SYTL3: variants seen among roughly 807,000 people sequenced by gnomAD.
SYTL3 encodes synaptotagmin-like protein 3.
SYTL3 carries 88 observed loss-of-function variants against 82.1 expected under a neutral mutation model. The ratio of observed to expected loss-of-function variants is 1.07; its 90% CI spans 0.90 to 1.28. The LOEUF is 1.28. Among genes scored for constraint, SYTL3 ranks in the 50% most tolerant of loss-of-function variants. The pLI is 0.00. For synonymous variants in SYTL3, 311 were observed against 289.4 expected (o/e 1.07, Z -0.76); for missense variants, 831 against 757.6 (o/e 1.10, Z -1.14).
Position 158,745,479 on chromosome 6 carries a change from G to T in SYTL3, c.856-1G>T, listed in dbSNP as rs2128513867. The stretch of plus-strand genomic sequence containing the variant: ...ATTATATCTGTTATTCTTGATTTCA[G>T]GGAAGTTTAATTAGCATTGACAGCA... On this transcript the variant is annotated splice_acceptor_variant, in intron 11 of 17. Transcript: ENST00000611299. LOFTEE classifies it high-confidence loss of function. 6.2e-7 allele frequency: 1 copy of T among 1,606,438 alleles called. No homozygotes were observed.
At chr6:158,666,680 G>A (rs181764031) in intron 5 of SYTL3, among the ~76,000 whole-genome samples, 1 of 152,332 alleles carries the variant, frequency 6.6e-6, no homozygotes, top group East Asian at 1.9e-4. Context: ...CAAAGACTGT[G>A]GGAGGCACTT....
chr6:158,702,292 C>T (rs1376740276), intron 6 of SYTL3, among the ~76,000 whole-genome samples: 1 of 148,060 alleles, frequency 6.8e-6, no homozygotes, highest in East Asian at 2.0e-4. Flanking sequence ...CGCTATTGTA[C>T]TCCAGCCTGG....
chr6:158,647,858 C>T (rs577474101), upstream of SYTL3, among the ~76,000 whole-genome samples: 11 of 152,358 alleles, frequency 7.2e-5, no homozygotes, highest in East Asian at 1.9e-4. Context: ...GGCAGGTTTG[C>T]GTGCAATCAC....
chr6:158,672,665 TCTGTCG>T (rs1222477073), intron 5 of SYTL3, among the ~76,000 whole-genome samples: 1 of 151,778 alleles, frequency 6.6e-6, no homozygotes, highest in Non-Finnish European at 1.5e-5. Context: ...TGAGTCTCAC[TCTGTCG>T]CCCAGGCTGG....
chr6:158,739,410 A>G lies in SYTL3; in HGVS notation c.856-6070A>G, dbSNP rs374444961. Among the ~76,000 whole-genome samples the G allele has an allele frequency of 3.4e-4, 51 of 152,084 alleles. 1 individual carries two copies. Among genetic ancestry groups the G allele is most frequent in the Non-Finnish European group, 5.3e-4 (36 of 68,020 alleles). On this transcript the variant is annotated intron_variant, in intron 11 of 17. Transcript: ENST00000611299. The stretch of plus-strand genomic sequence containing the variant: ...TGATGTACCTATGTATAGTTTTTTT[A>G]AAAAATATTTTCCTCTTAAATCTGT...
intron 5 of SYTL3, among the ~76,000 whole-genome samples, chr6:158,679,589 C>A (rs1034382733): frequency 6.6e-6 from 1 of 151,692 alleles, no homozygotes; most frequent in African/African-American, 2.4e-5. Flanking sequence ...ATTCTTTAAT[C>A]ACAGATAGGC....
chr6:158,703,935 G>GT (rs1445578624), intron 6 of SYTL3, among the ~76,000 whole-genome samples: 2 of 151,216 alleles, frequency 1.3e-5, no homozygotes, highest in Non-Finnish European at 2.9e-5. Flanking sequence ...TGCCTCTTGA[G>GT]TTCAGCCTCC....
intron 11 of SYTL3, among the ~76,000 whole-genome samples, chr6:158,738,744 A>T (rs1386597714): frequency 6.6e-6 from 1 of 151,956 alleles, no homozygotes; most frequent in African/African-American, 2.4e-5. Context: ...TGCAACCTCC[A>T]CCTCCTGGGT....
chr6:158,741,663 G>C (rs1053802294), intron 11 of SYTL3, among the ~76,000 whole-genome samples: 1 of 152,150 alleles, frequency 6.6e-6, no homozygotes, highest in African/African-American at 2.4e-5. Flanking sequence ...GGTCATTGCT[G>C]GTTGTCATAT....
chr6:158,747,401 A>C (rs1787803020), intron 12 of SYTL3, among the ~76,000 whole-genome samples: 1 of 152,064 alleles, frequency 6.6e-6, no homozygotes, highest in African/African-American at 2.4e-5. Context: ...TTGCTTTGTC[A>C]CCCAGCTTGG....
At chr6:158,708,264 A>G (rs1782335904) in intron 7 of SYTL3, 58 bp from the exon 8 acceptor site, 1 of 1,414,116 alleles carries the variant, frequency 7.1e-7, no homozygotes, top group African/African-American at 1.4e-5. Flanking sequence ...TGTATTTGTA[A>G]AACTAACGGC....
At chr6:158,716,520 G>A (rs188534421) in intron 9 of SYTL3, among the ~76,000 whole-genome samples, 26 of 152,214 alleles carry the variant, frequency 1.7e-4, no homozygotes, top group Non-Finnish European at 3.5e-4. Context: ...AGTGCCTTAC[G>A]AGCTGCTGGC....
Position 158,718,078 on chromosome 6 carries a change from G to A in SYTL3, c.596-9G>A. The A allele has an allele frequency of 2.0e-6, 3 of 1,517,408 alleles. No homozygotes were observed. In the South Asian group the frequency reaches 3.8e-5, roughly 19 times the overall value. The allele number at this position is 1,517,408 out of a possible 1,614,324, so 94.0% of individuals were successfully genotyped here. On this transcript the variant is annotated splice_polypyrimidine_tract_variant and intron_variant, in intron 9 of 17. Transcript: ENST00000611299. ...TTCCCACCCATCAACCCTTGTGTTTGCCTTTTAGAGCTCTCCAAATCCCAG... is the reference window on the plus strand; with the variant it reads ...TTCCCACCCATCAACCCTTGTGTTTACCTTTTAGAGCTCTCCAAATCCCAG...
chr6:158,698,989 G>A (rs915785473), intron 6 of SYTL3, among the ~76,000 whole-genome samples: 2 of 152,140 alleles, frequency 1.3e-5, no homozygotes, highest in African/African-American at 2.4e-5. Context: ...AGGGAAGGCC[G>A]CCTTTCTCCT....
rs76973188 is a variant in SYTL3 at position 158,706,715 on chromosome 6, A to G, written c.395-515A>G. On this transcript the variant is annotated intron_variant, in intron 6 of 17. Coordinates refer to ENST00000611299, the MANE Select transcript of SYTL3 (RefSeq NM_001242394.2). ...ATAAAAACCTCTTTTCTTGAAACAA[A>G]AAGAGTACTATATCAGATGCAGTCT... Among the ~76,000 whole-genome samples, 411 of 152,372 alleles carry G rather than the reference A, an allele frequency of 2.7e-3. 1 individual carries two copies. The highest frequency in any genetic ancestry group is 9.4e-3 in the African/African-American group (390 of 41,586).
At chr6:158,680,410 A>G (rs1168503457) in intron 5 of SYTL3, among the ~76,000 whole-genome samples, 1 of 152,094 alleles carries the variant, frequency 6.6e-6, no homozygotes, top group East Asian at 1.9e-4. Context: ...CACTTTATAT[A>G]TTTTTGGCTC....
At chr6:158,717,601 G>A (rs1271884820) in intron 9 of SYTL3, among the ~76,000 whole-genome samples, 1 of 151,906 alleles carries the variant, frequency 6.6e-6, no homozygotes, top group Admixed American at 6.6e-5. Flanking sequence ...CATCTTTCCA[G>A]GGTTTGTTTA....
chr6:158,747,698 G>A (rs1787853282), intron 12 of SYTL3, among the ~76,000 whole-genome samples: 1 of 151,900 alleles, frequency 6.6e-6, no homozygotes, highest in Non-Finnish European at 1.5e-5. Context: ...TGTTGCCAAG[G>A]CTGGTCTCAA....
chr6:158,707,356 A>G (rs1782217704), intron 7 of SYTL3, 75 bp downstream of exon 7: 3 of 1,322,394 alleles, frequency 2.3e-6, no homozygotes, highest in East Asian at 2.3e-5. Context: ...AAGAACTTAT[A>G]GGTCTCTTGA....
Sources: gnomAD v4.1 joint callset for allele counts (sites outside exome capture counted in the v4.1 genomes callset) on GRCh38, gnomAD v4.1.1 for gene constraint, MANE v1.5 for transcripts, NCBI Gene and HGNC (gene_info 2026-07-23, HGNC 2026-07-21) for gene names.